Variants in TBC1D8B observed in about 807,000 individuals in gnomAD.
The protein encoded by TBC1D8B is RP11-321G1.1.
In TBC1D8B, 75 loss-of-function variants were observed where a neutral mutation model predicts 82.9. The ratio of observed to expected loss-of-function variants is 0.90; its 90% CI spans 0.75 to 1.10. The LOEUF (loss-of-function observed/expected upper bound fraction) is 1.10. Ranked by LOEUF, TBC1D8B falls within the 50% of genes least tolerant of loss-of-function variation. The probability of loss-of-function intolerance (pLI) is 0.00; values close to 1 mark genes in which losing one functional copy is unlikely to be tolerated. For synonymous variants in TBC1D8B, 276 were observed against 276.8 expected (o/e 1.00, Z 0.03); for missense variants, 794 against 796.9 (o/e 1.00, Z 0.04).
At position 106,853,517 on chromosome X, in the gene TBC1D8B, A is replaced by G. The variant is rs780412899; in HGVS notation, c.2124-4A>G. 7 of 1,204,944 alleles carry G rather than the reference A, an allele frequency of 5.8e-6. No homozygotes were observed. The South Asian group carries it at 1.1e-4, about 18-fold the overall frequency. ...ATTCTTGTATTACTATCACTTTTCA[A>G]TAGGTTCTTTGACAATGTCACTAAT... is the stretch of plus-strand genomic sequence containing the variant. On this transcript the variant is annotated splice_region_variant and splice_polypyrimidine_tract_variant and intron_variant, in intron 12 of 20. Coordinates refer to ENST00000357242, the MANE Select transcript of TBC1D8B (RefSeq NM_017752.3).
In TBC1D8B at chrX:106,868,378, T is replaced by C; in HGVS notation, c.2729-15T>C. The C allele has an allele frequency of 1.0e-6, 1 of 983,250 alleles. No homozygotes were observed. Among genetic ancestry groups the C allele is most frequent in the East Asian group, 3.7e-5 (1 of 26,960 alleles). 81.0% of individuals were successfully genotyped at this position (983,250 alleles called of 1,213,427 possible). On this transcript the variant is annotated splice_polypyrimidine_tract_variant and intron_variant, in intron 17 of 20. Coordinates refer to ENST00000357242, the MANE Select transcript of TBC1D8B (RefSeq NM_017752.3). Reference sequence around the variant, plus strand: ...TTGTTAATAAATGTAATTTGGGTTATTTATATGTTTTCAGCTTACACTGAA... The same window carrying C: ...TTGTTAATAAATGTAATTTGGGTTACTTATATGTTTTCAGCTTACACTGAA...
At chrX:106,836,973 T>A (rs1378273982) in intron 7 of TBC1D8B, among the ~76,000 whole-genome samples, 1 of 111,469 alleles carries the variant, frequency 9.0e-6, no homozygotes, top group Non-Finnish European at 1.9e-5. Flanking sequence ...GCTGAAACAA[T>A]GGACAGCAAC....
intron 14 of TBC1D8B, among the ~76,000 whole-genome samples, chrX:106,855,719 T>G (rs1932681536): frequency 8.9e-6 from 1 of 112,094 alleles, no homozygotes; most frequent in African/African-American, 3.2e-5. Flanking sequence ...AAGATAGATA[T>G]CTGGAAGTGG....
intron 10 of TBC1D8B, among the ~76,000 whole-genome samples, chrX:106,841,696 G>T (rs938265080): frequency 1.1e-4 from 12 of 111,825 alleles, no homozygotes; most frequent in African/African-American, 3.9e-4. Flanking sequence ...AAACAAAGGA[G>T]ATTGACTCTT....
At chrX:106,824,428 T>A (rs1931781171) in intron 5 of TBC1D8B, among the ~76,000 whole-genome samples, 1 of 111,272 alleles carries the variant, frequency 9.0e-6, no homozygotes, top group Admixed American at 9.6e-5. Context: ...CATGAGGATT[T>A]GTTTGTGAGC....
chrX:106,871,067 A>T (rs2147775793), intron 20 of TBC1D8B, among the ~76,000 whole-genome samples: 1 of 111,704 alleles, frequency 9.0e-6, no homozygotes, highest in East Asian at 2.8e-4. Flanking sequence ...AAGTATGTGT[A>T]GTATATTTCC....
At chrX:106,813,281 T>C (rs1931433843) in intron 1 of TBC1D8B, among the ~76,000 whole-genome samples, 1 of 112,222 alleles carries the variant, frequency 8.9e-6, no homozygotes, top group Admixed American at 9.4e-5. Context: ...TTGGTACATA[T>C]TAATTTCTGA....
chrX:106,849,796 C>T (rs1438558853), intron 11 of TBC1D8B: 5 of 941,482 alleles, frequency 5.3e-6, no homozygotes, highest in Non-Finnish European at 6.7e-6. Context: ...CAGGTCTCTG[C>T]ATATAATAAA....
intron 3 of TBC1D8B, 85 bp downstream of exon 3, chrX:106,821,080 A>G: frequency 2.0e-6 from 1 of 495,084 alleles, no homozygotes; most frequent in Non-Finnish European, 3.3e-6. Context: ...ATGGAAGGTC[A>G]TTGTTTCACT....
intron 7 of TBC1D8B, 95 bp from the exon 8 acceptor site, chrX:106,839,211 CAG>C (rs1932244160): frequency 1.1e-6 from 1 of 889,703 alleles, no homozygotes; most frequent in Admixed American, 3.6e-5. Context: ...GTTATGTATA[CAG>C]ATTGTGGCTT....
In TBC1D8B at chrX:106,826,178, T is replaced by C; in HGVS notation, c.976T>C (p.Tyr326His). The C allele has an allele frequency of 8.3e-7, 1 of 1,210,540 alleles. No homozygotes were observed. The highest frequency in any genetic ancestry group is 1.1e-6 in the Non-Finnish European group (1 of 894,891). Reference sequence around the variant, plus strand: ...TGGGAAAATGTGCATCTCAGAAAATTATATCTGCTTTGCTAGCCAAGATGG... The same window carrying C: ...TGGGAAAATGTGCATCTCAGAAAATCATATCTGCTTTGCTAGCCAAGATGG... Reference protein sequence around the residue: ...THGKMCISENYICFASQDGNQ... With the variant: ...THGKMCISENHICFASQDGNQ... The change falls in exon 6 of 21, where the codon TAT becomes CAT. Residue 326 changes from tyrosine to histidine, a missense_variant. Transcript: ENST00000357242.
At chrX:106,839,577 C>T in intron 8 of TBC1D8B, 120 bp downstream of exon 8, 3 of 640,434 alleles carry the variant, frequency 4.7e-6, no homozygotes, top group Non-Finnish European at 4.5e-6. Flanking sequence ...GAAAAGTTTT[C>T]CAGCAGGTAC....
In TBC1D8B at chrX:106,802,709, T is replaced by G; in HGVS notation, c.-145T>G. 6.2e-6 allele frequency: 5 copies of G among 801,910 alleles called. No individual in the cohort carries two copies. The highest frequency in any genetic ancestry group is 7.1e-6 in the Non-Finnish European group (4 of 560,582). The allele number at this position is 801,910 out of a possible 1,213,427, so 66.1% of individuals were successfully genotyped here. On this transcript the variant is annotated 5_prime_UTR_variant, in exon 1 of 21. Transcript: ENST00000357242. ...TGCCTACGTGGGAGAGAAGGGAGGGTTGGGGGAAGTGTGGAAAACCTGAAC... is the reference window on the plus strand; with the variant it reads ...TGCCTACGTGGGAGAGAAGGGAGGGGTGGGGGAAGTGTGGAAAACCTGAAC...
intron 14 of TBC1D8B, among the ~76,000 whole-genome samples, chrX:106,855,206 A>G (rs1932672545): frequency 8.9e-6 from 1 of 112,361 alleles, no homozygotes; most frequent in African/African-American, 3.2e-5. Flanking sequence ...TGAAGATTCC[A>G]GGTTTAGATT....
At chrX:106,833,614 T>C (rs905759295) in intron 7 of TBC1D8B, among the ~76,000 whole-genome samples, 1 of 112,093 alleles carries the variant, frequency 8.9e-6, no homozygotes, top group African/African-American at 3.2e-5. Context: ...TTTTTAAATT[T>C]TCTAACCACC....
At chrX:106,813,105 G>A (rs1215321779) in intron 1 of TBC1D8B, among the ~76,000 whole-genome samples, 3 of 111,844 alleles carry the variant, frequency 2.7e-5, no homozygotes, top group Admixed American at 9.5e-5. Flanking sequence ...TGATTCACCC[G>A]CCTCGGCCTC....
chrX:106,845,602 G>C (rs748087510), intron 10 of TBC1D8B, among the ~76,000 whole-genome samples: 10 of 110,505 alleles, frequency 9.0e-5, no homozygotes, highest in African/African-American at 3.3e-4. Context: ...ATCACTTTCT[G>C]CTCGCACAAA....
intron 10 of TBC1D8B, among the ~76,000 whole-genome samples, chrX:106,847,436 G>T (rs1378737458): frequency 9.0e-6 from 1 of 111,415 alleles, no homozygotes; most frequent in East Asian, 2.8e-4. Flanking sequence ...GGGTACATAG[G>T]ATACAAGAGG....
rs372393599 is a variant in TBC1D8B, at chrX:106,818,707, A to G, written c.175A>G (p.Lys59Glu). The G allele has an allele frequency of 3.3e-6, 4 of 1,206,966 alleles. No individual in the cohort carries two copies. The highest frequency in any genetic ancestry group is 4.5e-6 in the Non-Finnish European group (4 of 893,469). The change falls in exon 2 of 21, where the codon AAA (lysine) becomes GAA (glutamate). Residue 59 changes from lysine (K) to glutamate (E), a missense_variant. Lys to Glu is a moderately conservative substitution (Grantham distance 56). Transcript: ENST00000357242. Reference protein sequence around the residue: ...TLDSVLDSTAKVAPFRILHQT... With the variant: ...TLDSVLDSTAEVAPFRILHQT... ...TGATTCAGTCTTGGACTCTACTGCT[A>G]AAGTAGCTCCATTTCGCATCCTACA...
Sources: allele counts gnomAD v4.1 joint callset (sites outside exome capture counted in the v4.1 genomes callset), GRCh38; gene constraint gnomAD v4.1.1; transcripts MANE v1.5; gene names NCBI Gene and HGNC (gene_info 2026-07-23, HGNC 2026-07-21).